SLC38A9: variants seen among roughly 807,000 people sequenced by gnomAD.
The protein encoded by SLC38A9 is neutral amino acid transporter 9.
In SLC38A9, 48 loss-of-function variants were observed where a neutral mutation model predicts 62.3. The observed-to-expected ratio is 0.77, with a 90% CI of 0.61 to 0.98. The LOEUF is 0.98. SLC38A9 is among the 50% of genes least tolerant of loss of function. The pLI, the probability that SLC38A9 is intolerant of heterozygous loss-of-function variation, is 0.00. For missense variants in SLC38A9, 541 were observed against 679.8 expected (o/e 0.80, Z 2.27); for synonymous variants, 204 against 227.7 (o/e 0.90, Z 0.94).
chr5:55,668,931 T>C (rs2150335935), intron 7 of SLC38A9, among the ~76,000 whole-genome samples: 1 of 152,346 alleles, frequency 6.6e-6, no homozygotes, highest in South Asian at 2.1e-4. Context: ...GAATTCTCAA[T>C]TTAGTTTTGG....
chr5:55,645,855 G>A lies in SLC38A9; in HGVS notation c.1101C>T (p.Thr367=). The A allele has an allele frequency of 6.2e-7, 1 of 1,611,850 alleles. No homozygotes were observed. The highest frequency in any genetic ancestry group is 8.5e-7 in the Non-Finnish European group (1 of 1,179,252). The change falls in exon 12 of 16, where the codon ACC becomes ACT. Residue 367 remains threonine (T), a synonymous_variant. Coordinates refer to ENST00000396865, the MANE Select transcript of SLC38A9 (RefSeq NM_173514.4). ...FQFPQLTGVL[T]LAFFIHNCII... Reference sequence around the variant, plus strand: ...TACAATTATGAATAAAAAAAGCAAGGGTAAGCACTCCAGTCAGCTGTGGAA... The same window carrying A: ...TACAATTATGAATAAAAAAAGCAAGAGTAAGCACTCCAGTCAGCTGTGGAA...
chr5:55,661,090 A>T (rs1236019473), intron 8 of SLC38A9, among the ~76,000 whole-genome samples: 2 of 151,908 alleles, frequency 1.3e-5, no homozygotes, highest in African/African-American at 2.4e-5. Flanking sequence ...AAAACTTAAA[A>T]TTTTTTTTAA....
At chr5:55,707,751 C>T (rs114346013) in intron 2 of SLC38A9, among the ~76,000 whole-genome samples, 34 of 152,200 alleles carry the variant, frequency 2.2e-4, no homozygotes, top group African/African-American at 7.5e-4. Context: ...GTTTGTGTCC[C>T]GTCCAAAATT....
chr5:55,650,731 T>C (rs1374276723), intron 10 of SLC38A9, among the ~76,000 whole-genome samples: 2 of 152,212 alleles, frequency 1.3e-5, no homozygotes, highest in African/African-American at 4.8e-5. Flanking sequence ...ATTTTAACTT[T>C]TCCTTTGGTC....
At position 55,678,742 on chromosome 5, in the gene SLC38A9, C is replaced by A. The variant is rs576172874; in HGVS notation, c.114-6047G>T. On this transcript the variant is annotated intron_variant, in intron 3 of 15. Transcript: ENST00000396865. ...CGGTATGATCATTGGCTCACTATTA[C>A]CTTGAACTCCTGGGCTCAAGTAATC... Among the ~76,000 whole-genome samples the A allele has an allele frequency of 7.8e-4, 100 of 128,218 alleles. 1 individual carries two copies. Among genetic ancestry groups the A allele is most frequent in the African/African-American group, 2.8e-3 (96 of 34,400 alleles). 84.1% of individuals were successfully genotyped at this position (128,218 alleles called of 152,430 possible). A position where few individuals can be genotyped will look rare whatever the true frequency, so the allele number is the denominator to read the frequency against.
At chr5:55,658,374 A>C (rs1211932877) in intron 8 of SLC38A9, among the ~76,000 whole-genome samples, 2 of 152,090 alleles carry the variant, frequency 1.3e-5, no homozygotes, top group Non-Finnish European at 2.9e-5. Context: ...GGCTGGTCTC[A>C]AACTCCTGAC....
At chr5:55,690,319 T>A (rs1450666915) in intron 3 of SLC38A9, among the ~76,000 whole-genome samples, 1 of 152,082 alleles carries the variant, frequency 6.6e-6, no homozygotes, top group Non-Finnish European at 1.5e-5. Flanking sequence ...CATCTCTGAC[T>A]CTAAGGCCAG....
chr5:55,702,944 C>T (rs867461746), intron 2 of SLC38A9: 2 of 151,986 alleles, frequency 1.3e-5, no homozygotes, highest in African/African-American at 4.8e-5. Context: ...TAGTACCTTA[C>T]AACAGTAACT....
chr5:55,660,058 G>A (rs916680270), intron 8 of SLC38A9, among the ~76,000 whole-genome samples: 4 of 149,238 alleles, frequency 2.7e-5, no homozygotes, highest in Non-Finnish European at 5.9e-5. Flanking sequence ...GAGCCACCAC[G>A]CCCGGCTACA....
intron 8 of SLC38A9, among the ~76,000 whole-genome samples, chr5:55,659,764 T>C (rs1251683696): frequency 1.3e-5 from 2 of 151,686 alleles, no homozygotes; most frequent in Admixed American, 6.6e-5. Context: ...ATTTTTATTT[T>C]TTATTTATTT....
At chr5:55,644,614 G>A (rs1015591155) in intron 12 of SLC38A9, among the ~76,000 whole-genome samples, 5 of 152,084 alleles carry the variant, frequency 3.3e-5, no homozygotes, top group African/African-American at 4.8e-5. Flanking sequence ...TAGAGACGGC[G>A]TTTCACCATC....
At chr5:55,693,130 G>T in intron 3 of SLC38A9, 7 of 402,364 alleles carry the variant, frequency 1.7e-5, no homozygotes, top group Non-Finnish European at 2.0e-5. Context: ...CTGATTAATT[G>T]TTGGGTGTCT....
At chr5:55,678,885 C>T (rs961994004) in intron 3 of SLC38A9, among the ~76,000 whole-genome samples, 8 of 151,812 alleles carry the variant, frequency 5.3e-5, no homozygotes, top group African/African-American at 1.7e-4. Flanking sequence ...GGTCTTAACT[C>T]CTGGCCTCAA....
Position 55,635,644 on chromosome 5 carries a change from C to A in SLC38A9, c.1181G>T (p.Cys394Phe). Residue 394 changes from cysteine to phenylalanine, a missense_variant, in exon 13 of 16, where the codon TGC (cysteine) becomes TTC (phenylalanine). Physicochemically the swap from Cys to Phe is radical, Grantham distance 205. Transcript: ENST00000396865. ...TAATGTCACCAGCATATAAGCAATGCACAAGTCCCTCACCTGTAAATACAG... is the reference window on the plus strand; with the variant it reads ...TAATGTCACCAGCATATAAGCAATGAACAAGTCCCTCACCTGTAAATACAG... Reference protein sequence around the residue: ...KKQENNVRDLCIAYMLVTLTY... With the variant: ...KKQENNVRDLFIAYMLVTLTY... 2 of 1,612,804 alleles carry A rather than the reference C, an allele frequency of 1.2e-6. No individual in the cohort carries two copies. Among genetic ancestry groups the A allele is most frequent in the Non-Finnish European group, 1.7e-6 (2 of 1,178,906 alleles).
At chr5:55,657,388 A>T (rs1350781990) in intron 8 of SLC38A9, among the ~76,000 whole-genome samples, 1 of 152,212 alleles carries the variant, frequency 6.6e-6, no homozygotes, top group African/African-American at 2.4e-5. Flanking sequence ...GTTTTCTCTT[A>T]TCCTCACACT....
chr5:55,645,833 A>G lies in SLC38A9; in HGVS notation c.1123T>C (p.Cys375Arg). Residue 375 changes from cysteine to arginine, a missense_variant, in exon 12 of 16, where the codon TGT becomes CGT. By Grantham distance (180) the Cys-to-Arg change is radical. Transcript: ENST00000396865. ...VLTLAFFIHN[C>R]IITLLKNNKK... ...TTGTTCTTCAAGAGTGTGATGATAC[A>G]ATTATGAATAAAAAAAGCAAGGGTA... 6.2e-7 allele frequency: 1 copy of G among 1,612,386 alleles called. No individual in the cohort carries two copies. Among genetic ancestry groups the G allele is most frequent in the South Asian group, 1.1e-5 (1 of 90,428 alleles).
intron 3 of SLC38A9, chr5:55,673,444 A>C (rs1751638598): frequency 6.6e-6 from 1 of 152,156 alleles, no homozygotes; most frequent in South Asian, 2.1e-4. Flanking sequence ...GTTTCCAGTA[A>C]TATACTATCC....
intron 12 of SLC38A9, among the ~76,000 whole-genome samples, chr5:55,637,986 A>T (rs959353161): frequency 7.9e-5 from 12 of 151,970 alleles, no homozygotes; most frequent in South Asian, 2.1e-4. Flanking sequence ...ATAATAATAA[A>T]AAAAAAGAGA....
chr5:55,669,839 T>A lies in SLC38A9; in HGVS notation c.287A>T (p.Tyr96Phe). Residue 96 changes from tyrosine to phenylalanine, a missense_variant, in exon 5 of 16, where the codon TAT becomes TTT. By Grantham distance (22) the Tyr-to-Phe change is conservative. Transcript: ENST00000396865. ...AGCAGAGCCCAATGGACTATACACA[T>A]AGCACTCTTCTGGAGCTGGAACTAC... ...DHVVPAPEEC[Y>F]VYSPLGSAYK... The A allele has an allele frequency of 6.2e-7, 1 of 1,612,914 alleles. No individual in the cohort carries two copies. Among genetic ancestry groups the A allele is most frequent in the East Asian group, 2.2e-5 (1 of 44,876 alleles).
Sources: gnomAD v4.1 joint callset for allele counts (sites outside exome capture counted in the v4.1 genomes callset) on GRCh38, gnomAD v4.1.1 for gene constraint, MANE v1.5 for transcripts, NCBI Gene and HGNC (gene_info 2026-07-23, HGNC 2026-07-21) for gene names.